The following RASA1 variants were observed in gnomAD, a reference collection of about 807,000 sequenced individuals.
RASA1 encodes the protein RAS p21 protein activator 1.
Under a neutral mutation model 132.2 loss-of-function variants are expected in RASA1, and 25 were observed. The ratio of observed to expected loss-of-function variants is 0.19; its 90% CI spans 0.14 to 0.26. The LOEUF is 0.26. Ranked by LOEUF, RASA1 falls within the 10% of genes least tolerant of loss-of-function variation. RASA1 has a pLI of 1.00. For synonymous variants in RASA1, 477 were observed against 449.9 expected, an observed-to-expected ratio of 1.06 and a Z score of -0.76; for missense variants, 964 against 1,299.2, an observed-to-expected ratio of 0.74 and a Z score of 3.97.
intron 1 of RASA1, among the ~76,000 whole-genome samples, chr5:87,284,476 A>T (rs1561254370): frequency 6.6e-6 from 1 of 152,160 alleles, no homozygotes; most frequent in African/African-American, 2.4e-5. Flanking sequence ...ACCATATGAA[A>T]ATTTAGGAAT....
At chr5:87,370,049 T>C (rs966990198) in intron 12 of RASA1, 149 bp downstream of exon 12, 2 of 761,642 alleles carry the variant, frequency 2.6e-6, no homozygotes. Context: ...AGATTTCATA[T>C]GTAAAAAGTT....
chr5:87,327,957 A>T lies in RASA1; in HGVS notation c.540-3391A>T, dbSNP rs1757347108. ...ACCCCAACCTGGGTAACAGAGCAAG[A>T]CTCCGTTTCCCAAAAAAAAAAAAAA... is the stretch of plus-strand genomic sequence containing the variant. On this transcript the variant is annotated intron_variant, in intron 1 of 24. Coordinates refer to ENST00000274376, the MANE Select transcript of RASA1 (RefSeq NM_002890.3). 2.7e-5 allele frequency among the ~76,000 whole-genome samples: 4 copies of T among 148,498 alleles called. No individual in the cohort carries two copies. In the South Asian group the frequency reaches 8.4e-4, roughly 31 times the overall value.
chr5:87,376,636 A>G, intron 16 of RASA1, 71 bp downstream of exon 16: 1 of 1,531,596 alleles, frequency 6.5e-7, no homozygotes, highest in East Asian at 2.3e-5. Context: ...TAAAAGATCC[A>G]TTAAGGTAAA....
At chr5:87,328,997 G>T (rs557072966) in intron 1 of RASA1, among the ~76,000 whole-genome samples, 3 of 152,210 alleles carry the variant, frequency 2.0e-5, no homozygotes, top group South Asian at 4.1e-4. Context: ...TCATAATCAA[G>T]AATTGACATG....
intron 6 of RASA1, 93 bp from the exon 7 acceptor site, chr5:87,346,579 G>C: frequency 1.4e-6 from 1 of 715,734 alleles, no homozygotes; most frequent in Non-Finnish European, 2.3e-6. Flanking sequence ...TTATCACTTT[G>C]AATTAAACTT....
intron 1 of RASA1, among the ~76,000 whole-genome samples, chr5:87,309,408 C>T (rs571645673): frequency 6.6e-6 from 1 of 152,122 alleles, no homozygotes; most frequent in Non-Finnish European, 1.5e-5. Flanking sequence ...CAGTATAGGA[C>T]TCATTGAGTG....
intron 1 of RASA1, among the ~76,000 whole-genome samples, chr5:87,292,781 G>A (rs1307870765): frequency 6.6e-6 from 1 of 152,070 alleles, no homozygotes; most frequent in Admixed American, 6.6e-5. Context: ...TCATGAACTT[G>A]GAGTATCTCT....
At chr5:87,304,757 C>A (rs114519509) in intron 1 of RASA1, among the ~76,000 whole-genome samples, 1 of 152,118 alleles carries the variant, frequency 6.6e-6, no homozygotes, top group Non-Finnish European at 1.5e-5. Context: ...CATTAGCCAT[C>A]GTGCCGGCCT....
Position 87,377,605 on chromosome 5 carries a change from C to T in RASA1, c.2344+565C>T, listed in dbSNP as rs552535012. ...GCCTGCCTCAAGCCTCCCAAAGTGC[C>T]GGGGTTACAGGTCTTGTTTAATTTT... On this transcript the variant is annotated intron_variant, in intron 17 of 24. Transcript: ENST00000274376. Among the ~76,000 whole-genome samples, 18 of 152,100 alleles carry T rather than the reference C, an allele frequency of 1.2e-4. No homozygotes were observed. The East Asian group carries it at 2.3e-3, about 20-fold the overall frequency.
chr5:87,384,229 T>A (rs1189135542), intron 21 of RASA1, among the ~76,000 whole-genome samples: 1 of 152,124 alleles, frequency 6.6e-6, no homozygotes, highest in Non-Finnish European at 1.5e-5. Flanking sequence ...TTCCTCCCGT[T>A]AGAGATTTTT....
chr5:87,385,519 T>TA (rs769752421), intron 22 of RASA1, 130 bp downstream of exon 22: 7 of 730,920 alleles, frequency 9.6e-6, no homozygotes, highest in Non-Finnish European at 1.6e-5. Flanking sequence ...TTTGTTGGTA[T>TA]GTTTGTTTTT....
In RASA1 at chr5:87,275,773, G is replaced by A. The variant is rs149331597; in HGVS notation, c.539+6783G>A. On this transcript the variant is annotated intron_variant, in intron 1 of 24. Coordinates refer to ENST00000274376, the MANE Select transcript of RASA1 (RefSeq NM_002890.3). ...TTTCATGGAGATGGGGTTTCACCAT[G>A]TTGGCCAGGCTGGTCTCGAACTCCT... is the stretch of plus-strand genomic sequence containing the variant. 2.5e-3 allele frequency among the ~76,000 whole-genome samples: 382 copies of A among 152,266 alleles called. 1 individual carries two copies. The highest frequency in any genetic ancestry group is 4.1e-3 in the Non-Finnish European group (277 of 68,026).
intron 21 of RASA1, 147 bp downstream of exon 21, chr5:87,383,927 T>G (rs1580404193): frequency 2.7e-6 from 2 of 727,634 alleles, no homozygotes; most frequent in African/African-American, 3.6e-5. Flanking sequence ...CACCCTTCCT[T>G]CCTTGTGCTT....
In RASA1 at chr5:87,268,499, C is replaced by A. The variant is rs566022333; in HGVS notation, c.48C>A (p.Ala16=). 7 of 1,561,008 alleles carry A rather than the reference C, an allele frequency of 4.5e-6. No individual in the cohort carries two copies. In the East Asian group the frequency reaches 1.6e-4, roughly 37 times the overall value. The change falls in exon 1 of 25, where the codon GCC becomes GCA. Residue 16 remains alanine (A), a synonymous_variant. Transcript: ENST00000274376. ...AGSEEGGPVT[A]GAGGGGAAAG... ...GTGAGGAGGGCGGCCCGGTAACAGC[C>A]GGAGCTGGAGGAGGCGGCGCGGCAG...
intron 1 of RASA1, among the ~76,000 whole-genome samples, chr5:87,291,868 T>C (rs189556074): frequency 1.3e-5 from 2 of 152,362 alleles, no homozygotes; most frequent in East Asian, 3.9e-4. Context: ...AAACCACTTA[T>C]AAATTACCCA....
intron 7 of RASA1, among the ~76,000 whole-genome samples, chr5:87,348,887 C>T (rs1759054729): frequency 6.6e-6 from 1 of 151,826 alleles, no homozygotes; most frequent in Non-Finnish European, 1.5e-5. Flanking sequence ...CAGTTTTAGC[C>T]AGTATTCCCT....
intron 23 of RASA1, among the ~76,000 whole-genome samples, chr5:87,388,826 T>A (rs1762251591): frequency 6.6e-6 from 1 of 152,174 alleles, no homozygotes; most frequent in African/African-American, 2.4e-5. Context: ...GAATTTTAAG[T>A]TTAGGCTGCA....
chr5:87,297,968 C>T (rs1755195159), intron 1 of RASA1, among the ~76,000 whole-genome samples: 1 of 152,072 alleles, frequency 6.6e-6, no homozygotes, highest in Non-Finnish European at 1.5e-5. Flanking sequence ...TCTCTATCTG[C>T]CTACCTGTCT....
intron 9 of RASA1, among the ~76,000 whole-genome samples, chr5:87,357,000 A>T (rs1275961086): frequency 6.6e-6 from 1 of 152,198 alleles, no homozygotes; most frequent in African/African-American, 2.4e-5. Flanking sequence ...TATTGATTGA[A>T]TGAATGATTC....
Sources: allele counts gnomAD v4.1 joint callset (sites outside exome capture counted in the v4.1 genomes callset), GRCh38; gene constraint gnomAD v4.1.1; transcripts MANE v1.5; gene names NCBI Gene and HGNC (gene_info 2026-07-23, HGNC 2026-07-21).